The following DIP2A variants were observed in gnomAD, a reference collection of about 807,000 sequenced individuals.
DIP2A encodes the protein DIP2 acetate--CoA ligase A.
DIP2A carries 85 observed loss-of-function variants against 177.4 expected under a neutral mutation model. The observed-to-expected ratio is 0.48, with a 90% CI of 0.40 to 0.57. DIP2A has a LOEUF of 0.57. Among genes scored for constraint, DIP2A ranks in the 20% least tolerant of loss-of-function variants. The pLI is 0.00. For missense variants in DIP2A, 1,791 were observed against 2,100.2 expected, an observed-to-expected ratio of 0.85 and a Z score of 2.88; for synonymous variants, 886 against 881.8, an observed-to-expected ratio of 1.00 and a Z score of -0.08.
rs2059828763 is a variant in DIP2A, at chr21:46,541,772, G to A, written c.2053G>A (p.Gly685Arg). 2 of 1,613,938 alleles carry A rather than the reference G, an allele frequency of 1.2e-6. No homozygotes were observed. The highest frequency in any genetic ancestry group is 1.7e-6 in the Non-Finnish European group (2 of 1,179,874). Reference protein sequence around the residue: ...VAIRRPPDLGGPPPRKAVLSM... With the variant: ...VAIRRPPDLGRPPPRKAVLSM... ...ATTTTCTAGGCCACCTGATCTGGGAGGACCACCTCCAAGAAAAGCAGTCCT... is the reference window on the plus strand; with the variant it reads ...ATTTTCTAGGCCACCTGATCTGGGAAGACCACCTCCAAGAAAAGCAGTCCT... Residue 685 changes from glycine (G) to arginine (R), a missense_variant, in exon 18 of 38, where the codon GGA (glycine) becomes AGA (arginine). By Grantham distance (125) the Gly-to-Arg change is moderately radical (BLOSUM62 -2). Coordinates refer to ENST00000417564, the MANE Select transcript of DIP2A (RefSeq NM_015151.4).
intron 1 of DIP2A, among the ~76,000 whole-genome samples, chr21:46,479,996 A>G (rs1219795646): frequency 2.6e-5 from 4 of 151,382 alleles, no homozygotes; most frequent in Non-Finnish European, 2.9e-5. Flanking sequence ...CGTGCAAAAT[A>G]TTACTCTTCA....
chr21:46,576,546 C>T, the DIP2A span, among the ~76,000 whole-genome samples: 1 of 152,130 alleles, frequency 6.6e-6, no homozygotes, highest in Non-Finnish European at 1.5e-5. Context: ...TGGGTTGATT[C>T]CATGCCTTTG....
chr21:46,515,129 T>G (rs1232225894), intron 8 of DIP2A, among the ~76,000 whole-genome samples: 1 of 152,250 alleles, frequency 6.6e-6, no homozygotes, highest in Non-Finnish European at 1.5e-5. Flanking sequence ...TGCCAGCCTT[T>G]GATGAGTATG....
In DIP2A at chr21:46,517,615, G is replaced by T. The variant is rs118170632; in HGVS notation, c.1102+6001G>T. Among the ~76,000 whole-genome samples the T allele has an allele frequency of 4.1e-4, 62 of 152,288 alleles. No homozygotes were observed. In the East Asian group the frequency reaches 0.011, roughly 28 times the overall value. ...CTGATGGCTTCCCAGCCGTGGCGTT[G>T]GTCTCCTCGTGGCTTCTTAACAACC... is the stretch of plus-strand genomic sequence containing the variant. On this transcript the variant is annotated intron_variant, in intron 8 of 37. Transcript: ENST00000417564.
At chr21:46,554,418 G>T (rs1174435262) in intron 26 of DIP2A, 126 bp downstream of exon 26, 2 of 1,548,686 alleles carry the variant, frequency 1.3e-6, no homozygotes, top group East Asian at 2.3e-5. Context: ...CTCTCTGCAT[G>T]TGTCTGCCTC....
chr21:46,554,786 G>GGGGGGGGGGCGC, intron 27 of DIP2A, 36 bp from the exon 28 acceptor site: 2 of 1,519,122 alleles, frequency 1.3e-6, no homozygotes, highest in Non-Finnish European at 1.8e-6. Flanking sequence ...AGCTTGAGAG[G>GGGGGGGGGGCGC]CCCCGCCCAC....
At chr21:46,533,492 C>T (rs1041084345) in intron 10 of DIP2A, 32 bp from the exon 11 acceptor site, 2 of 1,604,860 alleles carry the variant, frequency 1.2e-6, no homozygotes, top group Admixed American at 3.4e-5. Context: ...CTGTGAGCAC[C>T]CCACCCCACA....
chr21:46,493,298 C>A (rs563422028), intron 3 of DIP2A, among the ~76,000 whole-genome samples: 2 of 152,116 alleles, frequency 1.3e-5, no homozygotes, highest in South Asian at 4.2e-4. Flanking sequence ...ATTTTTAGTT[C>A]TAGGTTGTTT....
chr21:46,538,381 T>G, intron 15 of DIP2A, 102 bp from the exon 16 acceptor site: 2 of 1,462,490 alleles, frequency 1.4e-6, no homozygotes, highest in Non-Finnish European at 1.8e-6. Flanking sequence ...TGTCTGTCTG[T>G]GCATGTACAC....
rs769357917 is a variant in DIP2A, at chr21:46,546,921, C to T, written c.2401C>T (p.Leu801=). 6.8e-6 allele frequency: 11 copies of T among 1,613,860 alleles called. No homozygotes were observed. In the South Asian group the frequency reaches 1.1e-4, roughly 16 times the overall value. ...CGCACACCCTTTCCCTCAGGACAAC[C>T]TGGTCTTCATCGTGGGCAAACTGGA... is the stretch of plus-strand genomic sequence containing the variant. ...GLLGFIGPDN[L]VFIVGKLDGL... The change falls in exon 21 of 38, where the codon CTG becomes TTG. Residue 801 remains leucine (L), a synonymous_variant. Transcript: ENST00000417564.
At chr21:46,553,174 A>C (rs930540446) in intron 25 of DIP2A, 2 of 152,226 alleles carry the variant, frequency 1.3e-5, no homozygotes, top group African/African-American at 4.8e-5. Context: ...GCCCTGACTC[A>C]TATGGACTGG....
chr21:46,491,967 A>T lies in DIP2A; in HGVS notation c.283+1248A>T, dbSNP rs562364383. ...CTTTAAAGTATCTTTTGAAGAGCAG[A>T]AGTTTTTAATCCTGATGAAGTCTAA... On this transcript the variant is annotated intron_variant, in intron 3 of 37. Transcript: ENST00000417564. 1.5e-4 allele frequency among the ~76,000 whole-genome samples: 23 copies of T among 152,314 alleles called. No homozygotes were observed. In the East Asian group the frequency reaches 4.0e-3, roughly 27 times the overall value.
intron 1 of DIP2A, among the ~76,000 whole-genome samples, chr21:46,464,129 C>A (rs2054587183): frequency 6.6e-6 from 1 of 152,006 alleles, no homozygotes; most frequent in Non-Finnish European, 1.5e-5. Flanking sequence ...CGCAGTGGCT[C>A]ACACCTGTAA....
chr21:46,549,629 TGAA>T, intron 21 of DIP2A, 139 bp from the exon 22 acceptor site: 1 of 1,429,784 alleles, frequency 7.0e-7, no homozygotes, highest in Admixed American at 2.5e-5. Flanking sequence ...AGTTACTTTT[TGAA>T]TGTGCAGCAG....
intron 3 of DIP2A, 34 bp from the exon 4 acceptor site, chr21:46,496,954 A>G (rs1199472656): frequency 1.9e-6 from 3 of 1,570,908 alleles, no homozygotes; most frequent in Middle Eastern, 1.7e-4. Flanking sequence ...ACAGTCTTGT[A>G]AAAAGTATTT....
rs191840793 is a variant in DIP2A, at chr21:46,480,632, G to A, written c.92-4125G>A. On this transcript the variant is annotated intron_variant, in intron 1 of 37. Transcript: ENST00000417564. ...CTTGTGTGGCCCAAGTTGGGACCTA[G>A]TGGACTCTTTGGACCCGTTCTTTGG... Among the ~76,000 whole-genome samples, 353 of 152,310 alleles carry A rather than the reference G, an allele frequency of 2.3e-3. 1 individual carries two copies. The highest frequency in any genetic ancestry group is 3.6e-3 in the Non-Finnish European group (242 of 68,024).
intron 10 of DIP2A, among the ~76,000 whole-genome samples, chr21:46,533,151 C>T (rs576212946): frequency 8.5e-5 from 13 of 152,248 alleles, no homozygotes; most frequent in African/African-American, 2.9e-4. Context: ...GGTGACCAGG[C>T]CTCTCTAGAT....
chr21:46,575,393 A>T, the DIP2A span, among the ~76,000 whole-genome samples: 10 of 152,216 alleles, frequency 6.6e-5, no homozygotes, highest in East Asian at 1.9e-3. Flanking sequence ...TGCGTTTGTC[A>T]CTTCCACTCA....
intron 9 of DIP2A, 79 bp from the exon 10 acceptor site, chr21:46,532,048 A>C: frequency 7.3e-7 from 1 of 1,369,904 alleles, no homozygotes; most frequent in African/African-American, 1.5e-5. Flanking sequence ...CAAAAATTTT[A>C]TTTATAACTA....
Sources: allele counts gnomAD v4.1 joint callset (sites outside exome capture counted in the v4.1 genomes callset), GRCh38; gene constraint gnomAD v4.1.1; transcripts MANE v1.5; gene names NCBI Gene and HGNC (gene_info 2026-07-23, HGNC 2026-07-21).